STXBP5L: variants seen among roughly 807,000 people sequenced by gnomAD.
The protein encoded by STXBP5L is syntaxin binding protein 5L.
Under a neutral mutation model 144.5 loss-of-function variants are expected in STXBP5L, and 65 were observed. That is an observed-to-expected ratio of 0.45 (90% CI 0.37 to 0.55). The LOEUF is 0.55. Among genes scored for constraint, STXBP5L ranks in the 20% least tolerant of loss-of-function variants. STXBP5L has a pLI of 0.00. For missense variants in STXBP5L, 1,298 were observed against 1,405.5 expected, an observed-to-expected ratio of 0.92 and a Z score of 1.22; for synonymous variants, 505 against 469.6, an observed-to-expected ratio of 1.08 and a Z score of -0.97.
rs188317147 is a variant in STXBP5L, at chr3:121,067,749, T to C, written c.470+22214T>C. On this transcript the variant is annotated intron_variant, in intron 5 of 26. Coordinates refer to ENST00000471454, the MANE Select transcript of STXBP5L (RefSeq NM_001308330.2). ...ATTATAAATTTTAGAATTTCTCTTT[T>C]TAGTAGTGATGACTTATGTTTTGAA... Among the ~76,000 whole-genome samples the C allele has an allele frequency of 1.6e-3, 239 of 152,298 alleles. 3 individuals are homozygous for C. The highest frequency in any genetic ancestry group is 5.2e-3 in the African/African-American group (216 of 41,576).
intron 22 of STXBP5L, among the ~76,000 whole-genome samples, chr3:121,383,859 T>C (rs1027847007): frequency 1.3e-5 from 2 of 152,112 alleles, no homozygotes; most frequent in African/African-American, 4.8e-5. Flanking sequence ...CTATTATGGG[T>C]ACTGTTTATG....
chr3:121,324,946 AT>A (rs1037935895), intron 20 of STXBP5L, among the ~76,000 whole-genome samples: 2 of 151,326 alleles, frequency 1.3e-5, no homozygotes, highest in Non-Finnish European at 2.9e-5. Flanking sequence ...CAATAGTAAG[AT>A]TTTTTTTATA....
At chr3:120,990,273 G>C (rs1942710513) in intron 3 of STXBP5L, among the ~76,000 whole-genome samples, 1 of 152,134 alleles carries the variant, frequency 6.6e-6, no homozygotes, top group South Asian at 2.1e-4. Context: ...CCTCTTCAAG[G>C]AGAACTACAA....
intron 10 of STXBP5L, among the ~76,000 whole-genome samples, chr3:121,215,988 CA>C (rs2048763024): frequency 6.6e-6 from 1 of 152,080 alleles, no homozygotes; most frequent in African/African-American, 2.4e-5. Context: ...TTTCACTTAT[CA>C]ATTTGGCTAT....
chr3:121,031,874 G>C (rs1237020971), intron 3 of STXBP5L, among the ~76,000 whole-genome samples: 3 of 152,046 alleles, frequency 2.0e-5, no homozygotes, highest in Admixed American at 6.6e-5. Context: ...GCTGAATTTG[G>C]AATAGAATAA....
intron 10 of STXBP5L, among the ~76,000 whole-genome samples, chr3:121,219,135 T>G (rs2048896107): frequency 1.3e-5 from 2 of 152,202 alleles, no homozygotes; most frequent in Non-Finnish European, 2.9e-5. Flanking sequence ...CATTAGTACA[T>G]TGCTTCTGTT....
intron 5 of STXBP5L, among the ~76,000 whole-genome samples, chr3:121,092,095 G>A (rs577474341): frequency 6.6e-6 from 1 of 152,254 alleles, no homozygotes; most frequent in East Asian, 1.9e-4. Context: ...TAGATATGCA[G>A]CGTTATTTCT....
rs75513059 is a variant in STXBP5L at position 121,179,252 on chromosome 3, A to G, written c.877+21625A>G. On this transcript the variant is annotated intron_variant, in intron 9 of 26. Coordinates refer to ENST00000471454, the MANE Select transcript of STXBP5L (RefSeq NM_001308330.2). The stretch of plus-strand genomic sequence containing the variant: ...AGACAGTGAACTCACCCACACACCA[A>G]GAACATAACTACAATAACCAACATC... Among the ~76,000 whole-genome samples, 10 of 152,280 alleles carry G rather than the reference A, an allele frequency of 6.6e-5. No individual in the cohort carries two copies. The East Asian group carries it at 1.7e-3, about 26-fold the overall frequency.
At chr3:121,191,366 T>C (rs1404765229) in intron 9 of STXBP5L, among the ~76,000 whole-genome samples, 1 of 152,188 alleles carries the variant, frequency 6.6e-6, no homozygotes, top group Non-Finnish European at 1.5e-5. Flanking sequence ...GGCGAAACCC[T>C]GTCTCCACCA....
intron 3 of STXBP5L, among the ~76,000 whole-genome samples, chr3:120,956,770 A>C (rs1281954153): frequency 6.6e-6 from 1 of 151,886 alleles, no homozygotes; most frequent in Non-Finnish European, 1.5e-5. Flanking sequence ...CATAGCAGCT[A>C]TACTGGTTTA....
chr3:121,213,511 C>G (rs749360425), intron 10 of STXBP5L, among the ~76,000 whole-genome samples: 2 of 152,100 alleles, frequency 1.3e-5, no homozygotes, highest in Non-Finnish European at 2.9e-5. Flanking sequence ...TGATGGATTA[C>G]GTTTATTGAT....
intron 18 of STXBP5L, among the ~76,000 whole-genome samples, chr3:121,259,539 C>T (rs766075501): frequency 6.6e-6 from 1 of 151,994 alleles, no homozygotes; most frequent in African/African-American, 2.4e-5. Flanking sequence ...GATGGTAGAT[C>T]CACCTATGGA....
rs141028285 is a variant in STXBP5L, at chr3:120,921,879, A to G, written c.189+12112A>G. On this transcript the variant is annotated intron_variant, in intron 2 of 26. Transcript: ENST00000471454. ...TTTGGTTACTTTAGGTCTGTAGTAT[A>G]TTTTGAAGTCAGGTAGTGTGATGCC... Among the ~76,000 whole-genome samples, 644 of 152,114 alleles carry G rather than the reference A, an allele frequency of 4.2e-3. 5 individuals are homozygous for G. The highest frequency in any genetic ancestry group is 0.015 in the African/African-American group (614 of 41,532).
intron 3 of STXBP5L, among the ~76,000 whole-genome samples, chr3:120,983,729 C>T (rs1942025309): frequency 6.6e-6 from 1 of 152,126 alleles, no homozygotes; most frequent in Non-Finnish European, 1.5e-5. Context: ...TTCCCCACAT[C>T]AGGGAGCTTC....
At chr3:121,092,768 T>C (rs1299120090) in intron 5 of STXBP5L, among the ~76,000 whole-genome samples, 2 of 152,204 alleles carry the variant, frequency 1.3e-5, no homozygotes. Context: ...TTTATTTCCT[T>C]CTCCTGTCTA....
At chr3:121,091,461 G>C (rs1317749729) in intron 5 of STXBP5L, among the ~76,000 whole-genome samples, 1 of 151,998 alleles carries the variant, frequency 6.6e-6, no homozygotes, top group Non-Finnish European at 1.5e-5. Flanking sequence ...ACTTTTTAAT[G>C]ATTGCCATTC....
chr3:120,935,807 T>A (rs1710237560), intron 2 of STXBP5L, among the ~76,000 whole-genome samples: 1 of 152,078 alleles, frequency 6.6e-6, no homozygotes, highest in South Asian at 2.1e-4. Context: ...TTTCTCTTTG[T>A]CTTTGATCTT....
chr3:121,074,883 C>T (rs2041958210), intron 5 of STXBP5L, among the ~76,000 whole-genome samples: 1 of 152,200 alleles, frequency 6.6e-6, no homozygotes, highest in Non-Finnish European at 1.5e-5. Context: ...CCTCCAATCA[C>T]ACATCTTGTA....
chr3:120,915,001 G>A (rs577235814), intron 2 of STXBP5L, among the ~76,000 whole-genome samples: 2 of 152,200 alleles, frequency 1.3e-5, no homozygotes, highest in South Asian at 2.1e-4. Flanking sequence ...GTAGAAGTAC[G>A]TTTGTAAAAT....
Sources: gnomAD v4.1 joint callset for allele counts (sites outside exome capture counted in the v4.1 genomes callset) on GRCh38, gnomAD v4.1.1 for gene constraint, MANE v1.5 for transcripts, NCBI Gene and HGNC (gene_info 2026-07-23, HGNC 2026-07-21) for gene names.